The following ZNF215 variants were observed in gnomAD, a reference collection of about 807,000 sequenced individuals.
ZNF215 encodes the protein zinc finger protein 215.
Under a neutral mutation model 27.2 loss-of-function variants are expected in ZNF215, and 24 were observed. The observed-to-expected ratio is 0.88, with a 90% confidence interval of 0.64 to 1.24. The LOEUF (loss-of-function observed/expected upper bound fraction) is 1.24. ZNF215 is among the 50% of genes most tolerant of loss of function. ZNF215 has a pLI of 0.00. For synonymous variants in ZNF215, 210 were observed against 204.0 expected (o/e 1.03, Z -0.25); for missense variants, 675 against 605.7 (o/e 1.11, Z -1.20).
intron 5 of ZNF215, among the ~76,000 whole-genome samples, chr11:6,970,291 A>G (rs1850695984): frequency 6.6e-6 from 1 of 152,216 alleles, no homozygotes; most frequent in Admixed American, 6.5e-5. Context: ...TTCTTTAACA[A>G]AATGCATGAG....
rs964087434 is a variant in ZNF215 at position 6,956,846 on chromosome 11, A to G, written c.*315A>G. ...CCTAGTTCATAAATAGGTCTATAGC[A>G]TACTAATATCCACCTGATTTATTGA... On this transcript the variant is annotated 3_prime_UTR_variant, in exon 7 of 7. Transcript: ENST00000278319. 1 of 1,047,258 alleles carries G rather than the reference A, an allele frequency of 9.5e-7. No individual in the cohort carries two copies. The highest frequency in any genetic ancestry group is 1.7e-5 in the African/African-American group (1 of 59,348). 64.9% of individuals were successfully genotyped at this position (1,047,258 alleles called of 1,614,324 possible). A position where few individuals can be genotyped will look rare whatever the true frequency, so the allele number is the denominator to read the frequency against.
downstream of ZNF215, among the ~76,000 whole-genome samples, chr11:6,985,791 C>T (rs1851045147): frequency 2.6e-5 from 4 of 151,912 alleles, no homozygotes; most frequent in South Asian, 8.3e-4. Flanking sequence ...TTACAGTAGC[C>T]TCAAAAAGAA....
rs111936903 is a variant in ZNF215, at chr11:6,944,391, T to G, written c.712+750T>G. 5.6e-3 allele frequency among the ~76,000 whole-genome samples: 844 copies of G among 151,418 alleles called. 5 individuals are homozygous for G. Among genetic ancestry groups the G allele is most frequent in the African/African-American group, 0.018 (746 of 41,250 alleles). On this transcript the variant is annotated intron_variant, in intron 6 of 6. Transcript: ENST00000278319. ...GTGATTTCTAGTAATCTTCCATTTT[T>G]CCTTTTTTTTTTTTTTTTTAAACTG...
chr11:6,975,104 C>A (rs2638109), intron 5 of ZNF215, among the ~76,000 whole-genome samples: 2 of 151,792 alleles, frequency 1.3e-5, no homozygotes, highest in East Asian at 1.9e-4. Flanking sequence ...TAGCATGAAG[C>A]GCTGTTGAAT....
In ZNF215 at chr11:6,943,570, A is replaced by T. The variant is rs1849705525; in HGVS notation, c.641A>T (p.Glu214Val). Residue 214 changes from glutamate (E) to valine (V), a missense_variant, in exon 6 of 7, where the codon GAG (glutamate) becomes GTG (valine). Coordinates refer to ENST00000278319, the MANE Select transcript of ZNF215 (RefSeq NM_013250.4). The part of the protein sequence containing the change: ...RKAHLLSKPF[E>V]SLKLESKKKR... ...GCACATCTACTTTCCAAACCATTTG[A>T]GAGCCTTAAGTTGGAGAGTAAGAAA... 6.2e-7 allele frequency: 1 copy of T among 1,613,934 alleles called. No homozygotes were observed. Among genetic ancestry groups the T allele is most frequent in the South Asian group, 1.1e-5 (1 of 91,080 alleles).
downstream of ZNF215, chr11:6,988,831 T>C (rs1345623548): frequency 6.6e-6 from 1 of 152,108 alleles, no homozygotes; most frequent in Non-Finnish European, 1.5e-5. Flanking sequence ...ACCTTGATAA[T>C]TTTGAACTTT....
chr11:6,948,244 C>G (rs1285026551), intron 6 of ZNF215, among the ~76,000 whole-genome samples: 1 of 152,082 alleles, frequency 6.6e-6, no homozygotes, highest in East Asian at 1.9e-4. Context: ...TAATAAGACC[C>G]CCAGAGTCTC....
intron 5 of ZNF215, among the ~76,000 whole-genome samples, chr11:6,965,266 G>A (rs919520569): frequency 1.3e-5 from 2 of 152,112 alleles, no homozygotes; most frequent in African/African-American, 2.4e-5. Flanking sequence ...TGAGAGTGCC[G>A]CTTGTGTACC....
intron 6 of ZNF215, among the ~76,000 whole-genome samples, chr11:6,955,049 T>A (rs1265335240): frequency 6.6e-6 from 1 of 152,206 alleles, no homozygotes; most frequent in African/African-American, 2.4e-5. Context: ...GGTAAAGTTT[T>A]GAATTCTAGG....
At chr11:6,981,331 G>A (rs546991999) in intron 5 of ZNF215, among the ~76,000 whole-genome samples, 148 of 150,540 alleles carry the variant, frequency 9.8e-4, no homozygotes, top group African/African-American at 3.4e-3. Context: ...ATCTCATTGT[G>A]GTTTTGATTT....
chr11:6,943,310 G>T, intron 5 of ZNF215, 95 bp downstream of exon 5: 1 of 1,511,554 alleles, frequency 6.6e-7, no homozygotes, highest in Non-Finnish European at 8.9e-7. Flanking sequence ...TTCACTTTTG[G>T]GTCTGGGTTG....
At chr11:6,960,264 T>C (rs148349062), downstream of ZNF215, among the ~76,000 whole-genome samples, 185 of 152,122 alleles carry the variant, frequency 1.2e-3, no homozygotes, top group African/African-American at 4.3e-3. Context: ...ACAATATATA[T>C]TGAGAGCGTT....
intron 5 of ZNF215, among the ~76,000 whole-genome samples, chr11:6,975,926 C>G: frequency 6.6e-6 from 1 of 152,088 alleles, no homozygotes. Flanking sequence ...AACCTCCAAA[C>G]TGTTCTTCAT....
chr11:6,953,798 G>C (rs1850195919), intron 6 of ZNF215, among the ~76,000 whole-genome samples: 1 of 152,120 alleles, frequency 6.6e-6, no homozygotes, highest in African/African-American at 2.4e-5. Context: ...TCCTTTGGAG[G>C]AGGAGAGGCA....
At chr11:6,932,710 C>G in intron 3 of ZNF215, 38 bp downstream of exon 3, 1 of 1,544,818 alleles carries the variant, frequency 6.5e-7, no homozygotes, top group Non-Finnish European at 8.7e-7. Context: ...AATACTTGAC[C>G]TTTCCCATGT....
chr11:6,945,902 A>G (rs1357654329), intron 6 of ZNF215, among the ~76,000 whole-genome samples: 3 of 152,218 alleles, frequency 2.0e-5, no homozygotes, highest in Non-Finnish European at 4.4e-5. Context: ...AGATTTATAT[A>G]TGCTATGACA....
At chr11:6,986,674 C>T (rs188789318), downstream of ZNF215, among the ~76,000 whole-genome samples, 2 of 151,470 alleles carry the variant, frequency 1.3e-5, no homozygotes, top group Admixed American at 1.3e-4. Context: ...AACAAAAACC[C>T]CATTAAAAAT....
downstream of ZNF215, among the ~76,000 whole-genome samples, chr11:6,991,039 T>G (rs1004439832): frequency 2.0e-5 from 3 of 152,230 alleles, no homozygotes; most frequent in Admixed American, 2.0e-4. Context: ...TCACACTTGA[T>G]ATCACATACC....
rs117490127 is a variant in ZNF215 at position 6,945,429 on chromosome 11, C to G, written c.712+1788C>G. 9.7e-4 allele frequency among the ~76,000 whole-genome samples: 147 copies of G among 152,268 alleles called. 2 individuals carry two copies. In the East Asian group the frequency reaches 0.025, roughly 26 times the overall value. On this transcript the variant is annotated intron_variant, in intron 6 of 6. Coordinates refer to ENST00000278319, the MANE Select transcript of ZNF215 (RefSeq NM_013250.4). ...TCACCTCTTCTTTGTAGCCAAACTT[C>G]TCAAAGTACTTTATGCTTGTTTTTC...
Sources: allele counts gnomAD v4.1 joint callset (sites outside exome capture counted in the v4.1 genomes callset), GRCh38; gene constraint gnomAD v4.1.1; transcripts MANE v1.5; gene names NCBI Gene and HGNC (gene_info 2026-07-23, HGNC 2026-07-21).